SEMA4A: variants seen among roughly 807,000 people sequenced by gnomAD.
The protein encoded by SEMA4A is semaphorin 4A.
In SEMA4A, 52 loss-of-function variants were observed where a neutral mutation model predicts 72.5. The observed-to-expected ratio is 0.72, with a 90% CI of 0.57 to 0.90. SEMA4A has a LOEUF of 0.90. Ranked by LOEUF, SEMA4A falls within the 40% of genes least tolerant of loss-of-function variation. The pLI, the probability that SEMA4A is intolerant of heterozygous loss-of-function variation, is 0.00. For synonymous variants in SEMA4A, 369 were observed against 393.1 expected (o/e 0.94, Z 0.73); for missense variants, 926 against 959.7 (o/e 0.96, Z 0.46).
At chr1:156,150,840 G>C (rs1652480679), upstream of SEMA4A, among the ~76,000 whole-genome samples, 1 of 152,164 alleles carries the variant, frequency 6.6e-6, no homozygotes, top group African/African-American at 2.4e-5. Context: ...GACTCTGGCA[G>C]GGCAGAGGGT....
At chr1:156,155,622 G>C (rs1476684469) in intron 2 of SEMA4A, 2 of 152,692 alleles carry the variant, frequency 1.3e-5, no homozygotes. Context: ...AGCCACACCA[G>C]ATTCCCCAAC....
chr1:156,176,141 G>A (rs985123454), intron 14 of SEMA4A, among the ~76,000 whole-genome samples: 5 of 152,030 alleles, frequency 3.3e-5, no homozygotes, highest in African/African-American at 7.2e-5. Flanking sequence ...TTAACCAGGC[G>A]TGGAAACACA....
rs1653140888 is a variant in SEMA4A at position 156,157,422 on chromosome 1, G to T, written c.301-648G>T. Among the ~76,000 whole-genome samples, 1 of 152,186 alleles carries T rather than the reference G, an allele frequency of 6.6e-6. No homozygotes were observed. Among genetic ancestry groups the T allele is most frequent in the African/African-American group, 2.4e-5 (1 of 41,428 alleles). ...TGGTCTCGAACTCCCGACCTCAGGTGATCCATCCGCCTCAGGCTTTCTAAG... is the reference window on the plus strand; with the variant it reads ...TGGTCTCGAACTCCCGACCTCAGGTTATCCATCCGCCTCAGGCTTTCTAAG... On this transcript the variant is annotated intron_variant, in intron 3 of 14. Transcript: ENST00000368285. This position sits in a 1 kb window ranked among gnomAD's most constrained non-coding sequence, Gnocchi z 4.5.
At chr1:156,156,100 G>A in intron 2 of SEMA4A, 1 of 397,208 alleles carries the variant, frequency 2.5e-6, no homozygotes, top group East Asian at 5.9e-5. Flanking sequence ...ATCCTAGTGA[G>A]GACCAAGGCG....
chr1:156,165,441 A>G (rs1052745464), intron 10 of SEMA4A, among the ~76,000 whole-genome samples: 2 of 152,014 alleles, frequency 1.3e-5, no homozygotes, highest in Admixed American at 1.3e-4. Flanking sequence ...GGCAGGTAAA[A>G]CATTTTAAGA....
intron 13 of SEMA4A, 132 bp from the exon 14 acceptor site, chr1:156,175,424 T>G (rs531212629): frequency 1.6e-5 from 17 of 1,091,658 alleles, no homozygotes; most frequent in South Asian, 6.5e-5. Context: ...GCTCTGGCCA[T>G]TCCGCGTTCC....
At chr1:156,173,305 G>A (rs1355786416) in intron 11 of SEMA4A, among the ~76,000 whole-genome samples, 2 of 152,202 alleles carry the variant, frequency 1.3e-5, no homozygotes, top group Non-Finnish European at 2.9e-5. Context: ...AGGTGAGTGG[G>A]TGGAGGGGAG....
At chr1:156,152,327 G>A (rs1652602894), upstream of SEMA4A, among the ~76,000 whole-genome samples, 2 of 152,172 alleles carry the variant, frequency 1.3e-5, no homozygotes, top group African/African-American at 4.8e-5. Context: ...AGAAAGGTGG[G>A]AATAGGACAT....
Position 156,175,104 on chromosome 1 carries a change from T to A in SEMA4A, c.1453T>A (p.Phe485Ile). ...APTQGAVFVG[F>I]SGGVWRVPRA... ...CTTCCAGGGTGCAGTGTTTGTAGGC[T>A]TCTCAGGAGGTGTCTGGAGGGTGCC... The change falls in exon 13 of 15, where the codon TTC becomes ATC. Residue 485 changes from phenylalanine to isoleucine, a missense_variant. Phe to Ile is a conservative substitution (Grantham distance 21). Coordinates refer to ENST00000368285, the MANE Select transcript of SEMA4A (RefSeq NM_022367.4). The A allele has an allele frequency of 6.2e-7, 1 of 1,614,184 alleles. No individual in the cohort carries two copies. Among genetic ancestry groups the A allele is most frequent in the Non-Finnish European group, 8.5e-7 (1 of 1,180,018 alleles).
chr1:156,154,402 C>T lies in SEMA4A; in HGVS notation c.-29-148C>T, dbSNP rs368038126. On this transcript the variant is annotated intron_variant, in intron 1 of 14. Coordinates refer to ENST00000368285, the MANE Select transcript of SEMA4A (RefSeq NM_022367.4). ...ATGAAAGTGAGACCGTCTTAGGGCC[C>T]TTCCAGATAGGGAACCTTCTCTGCC... 1.4e-5 allele frequency: 10 copies of T among 696,874 alleles called. No homozygotes were observed. In the East Asian group the frequency reaches 1.6e-4, roughly 11 times the overall value. The allele number at this position is 696,874 out of a possible 1,614,324, so 43.2% of individuals were successfully genotyped here. A position where few individuals can be genotyped will look rare whatever the true frequency, so the allele number is the denominator to read the frequency against.
upstream of SEMA4A, among the ~76,000 whole-genome samples, chr1:156,148,258 C>T (rs1008649636): frequency 1.2e-4 from 18 of 152,196 alleles, no homozygotes; most frequent in Non-Finnish European, 2.4e-4. Context: ...AGTTCAGGGT[C>T]CTCTACTCCC....
intron 4 of SEMA4A, 71 bp from the exon 5 acceptor site, chr1:156,158,316 AG>A: frequency 7.4e-7 from 1 of 1,342,286 alleles, no homozygotes; most frequent in Non-Finnish European, 1.1e-6. Context: ...CTCCTCAGTG[AG>A]GGGGCAGCCT....
chr1:156,167,475 CAAAAAA>C (rs58793729), intron 10 of SEMA4A, among the ~76,000 whole-genome samples: 1 of 103,636 alleles, frequency 9.6e-6, no homozygotes, highest in Non-Finnish European at 2.0e-5. Context: ...GACCCTGTCT[CAAAAAA>C]AAAAAAAAAA....
intron 6 of SEMA4A, 57 bp from the exon 7 acceptor site, chr1:156,160,386 G>T: frequency 7.5e-7 from 1 of 1,333,800 alleles, no homozygotes; most frequent in Non-Finnish European, 1.1e-6. Flanking sequence ...CAGGTCTGTG[G>T]AGGGCAGAGG....
intron 9 of SEMA4A, chr1:156,161,797 A>G (rs1388244145): frequency 2.2e-6 from 1 of 459,526 alleles, no homozygotes; most frequent in African/African-American, 2.0e-5. Context: ...AATCGATAAA[A>G]TAGATACAGA....
At chr1:156,161,226 G>T in intron 8 of SEMA4A, 120 bp from the exon 9 acceptor site, 1 of 652,886 alleles carries the variant, frequency 1.5e-6, no homozygotes, top group East Asian at 3.5e-5. Flanking sequence ...GGGCGGGGTG[G>T]GGACACGCGG....
chr1:156,156,381 C>T (rs752303071), intron 2 of SEMA4A, 33 bp from the exon 3 acceptor site: 1 of 1,611,476 alleles, frequency 6.2e-7, no homozygotes, highest in Non-Finnish European at 8.5e-7. Flanking sequence ...CCACCAAGTC[C>T]TCATCACTCT....
intron 10 of SEMA4A, among the ~76,000 whole-genome samples, chr1:156,166,476 C>CT (rs1654172088): frequency 1.3e-5 from 2 of 152,188 alleles, no homozygotes. Flanking sequence ...TGTTTTCTCA[C>CT]TTTTTTCTGG....
intron 10 of SEMA4A, among the ~76,000 whole-genome samples, chr1:156,167,490 A>G: frequency 6.6e-6 from 1 of 151,700 alleles, no homozygotes; most frequent in Non-Finnish European, 1.5e-5. Flanking sequence ...AAAAAAAAAA[A>G]AAAAAGAAAG....
Sources: gnomAD v4.1 joint callset for allele counts (sites outside exome capture counted in the v4.1 genomes callset) on GRCh38, gnomAD v4.1.1 for gene constraint, Gnocchi (gnomAD v3.1) non-coding constraint, MANE v1.5 for transcripts, NCBI Gene and HGNC (gene_info 2026-07-23, HGNC 2026-07-21) for gene names.